BARD1: variants seen among roughly 807,000 people sequenced by gnomAD.
The protein encoded by BARD1 is BRCA1 associated RING domain 1.
A neutral mutation model predicts 77.0 loss-of-function variants in BARD1; 73 were observed. The observed-to-expected ratio is 0.95, with a 90% CI of 0.79 to 1.15. The LOEUF is 1.15. BARD1 is among the 50% of genes most tolerant of loss of function. The pLI is 0.00. For missense variants in BARD1, 993 were observed against 938.8 expected (o/e 1.06, Z -0.75); for synonymous variants, 384 against 338.0 (o/e 1.14, Z -1.49).
chr2:214,755,582 T>C (rs1693656712), intron 6 of BARD1, among the ~76,000 whole-genome samples: 1 of 152,176 alleles, frequency 6.6e-6, no homozygotes, highest in Non-Finnish European at 1.5e-5. Flanking sequence ...AAGATTTAAA[T>C]GGCCTTGATC....
intron 6 of BARD1, among the ~76,000 whole-genome samples, chr2:214,757,790 G>T (rs1398595504): frequency 6.6e-6 from 1 of 152,142 alleles, no homozygotes; most frequent in African/African-American, 2.4e-5. Flanking sequence ...CACAGAAAAG[G>T]TTTTGCAGTC....
intron 1 of BARD1, among the ~76,000 whole-genome samples, chr2:214,808,186 G>C (rs1434161145): frequency 1.3e-5 from 2 of 152,188 alleles, no homozygotes; most frequent in Non-Finnish European, 2.9e-5. Flanking sequence ...GAGGCGGGCG[G>C]ATCACGAGGT....
chr2:214,726,395 C>T lies in BARD1; in HGVS notation c.*2281G>A, dbSNP rs1692085231. On this transcript the variant is annotated 3_prime_UTR_variant, in exon 11 of 11. Coordinates refer to ENST00000260947, the MANE Select transcript of BARD1 (RefSeq NM_000465.4). ...CTCACTTTTAGAGACACAAAGCAAT[C>T]AGTGTGTAATTGTTTCTTAATGACT... is the stretch of plus-strand genomic sequence containing the variant. 4.8e-6 allele frequency: 1 copy of T among 207,712 alleles called. No homozygotes were observed. Among genetic ancestry groups the T allele is most frequent in the Non-Finnish European group, 9.8e-6 (1 of 101,904 alleles). 12.9% of individuals were successfully genotyped at this position (207,712 alleles called of 1,614,324 possible).
chr2:214,808,282 G>T (rs1376138081), intron 1 of BARD1, among the ~76,000 whole-genome samples: 1 of 152,174 alleles, frequency 6.6e-6, no homozygotes, highest in Admixed American at 6.5e-5. Context: ...GATGGCGGGC[G>T]CCTGCAGTCC....
rs1199815585 is a variant in BARD1, at chr2:214,726,537, T to C, written c.*2139A>G. The stretch of plus-strand genomic sequence containing the variant: ...TTAAAAAGCATTATGTTAAAAAAGA[T>C]AAGCTTTTGTTAGTTAATAGACTTC... On this transcript the variant is annotated 3_prime_UTR_variant, in exon 11 of 11. Transcript: ENST00000260947. 1 of 225,310 alleles carries C rather than the reference T, an allele frequency of 4.4e-6. No homozygotes were observed. Among genetic ancestry groups the C allele is most frequent in the Non-Finnish European group, 8.8e-6 (1 of 113,058 alleles). The allele number at this position is 225,310 out of a possible 1,614,324, so 14.0% of individuals were successfully genotyped here. A position where few individuals can be genotyped will look rare whatever the true frequency, so the allele number is the denominator to read the frequency against.
At chr2:214,790,786 T>A (rs1695478033) in intron 3 of BARD1, among the ~76,000 whole-genome samples, 1 of 152,076 alleles carries the variant, frequency 6.6e-6, no homozygotes, top group African/African-American at 2.4e-5. Flanking sequence ...CTAACAAAAG[T>A]CACTTTCACA....
chr2:214,772,450 C>CA (rs994957243), intron 4 of BARD1, among the ~76,000 whole-genome samples: 146 of 146,968 alleles, frequency 9.9e-4, no homozygotes, highest in African/African-American at 1.8e-3. Flanking sequence ...CATGGTAATG[C>CA]AAAAAAAAAA....
intron 4 of BARD1, among the ~76,000 whole-genome samples, chr2:214,769,814 A>G (rs185655939): frequency 6.6e-6 from 1 of 152,356 alleles, no homozygotes; most frequent in African/African-American, 2.4e-5. Context: ...GTCATGCTTG[A>G]ATATAGACTA....
intron 9 of BARD1, among the ~76,000 whole-genome samples, chr2:214,735,812 G>A (rs1334493794): frequency 3.9e-5 from 6 of 152,072 alleles, no homozygotes. Context: ...ACTAACAACT[G>A]AATACTCCAT....
chr2:214,747,280 T>C (rs563565226), intron 7 of BARD1, among the ~76,000 whole-genome samples: 4 of 151,540 alleles, frequency 2.6e-5, no homozygotes, highest in South Asian at 2.1e-4. Context: ...AGTTCAACCT[T>C]TGTGGAAGTC....
At chr2:214,794,895 T>C (rs1695691392) in intron 2 of BARD1, among the ~76,000 whole-genome samples, 1 of 152,248 alleles carries the variant, frequency 6.6e-6, no homozygotes. Flanking sequence ...GTTCATGTCA[T>C]ATACACATAA....
intron 1 of BARD1, among the ~76,000 whole-genome samples, chr2:214,806,875 G>GAAAAAA (rs140107019): frequency 9.4e-6 from 1 of 105,978 alleles, no homozygotes; most frequent in Non-Finnish European, 2.0e-5. Context: ...CTTTGCCTAG[G>GAAAAAA]GAAAAAAAAA....
At chr2:214,737,924 G>A (rs1021031616) in intron 9 of BARD1, among the ~76,000 whole-genome samples, 1 of 151,752 alleles carries the variant, frequency 6.6e-6, no homozygotes, top group Non-Finnish European at 1.5e-5. Flanking sequence ...GTAGAAAGAT[G>A]AACTCTTCTA....
rs1695796591 is a variant in BARD1 at position 214,797,120 on chromosome 2, G to A, written c.159-3C>T. On this transcript the variant is annotated splice_polypyrimidine_tract_variant and splice_region_variant and intron_variant, in intron 1 of 10. Coordinates refer to ENST00000260947, the MANE Select transcript of BARD1 (RefSeq NM_000465.4). ...CAGGCTCTCTCAGAATGTTAGTACT[G>A]TTTGAAGAAATTAAAACAATCAAGA... 3 of 1,611,580 alleles carry A rather than the reference G, an allele frequency of 1.9e-6. No homozygotes were observed. Among genetic ancestry groups the A allele is most frequent in the Non-Finnish European group, 8.5e-7 (1 of 1,177,896 alleles).
At chr2:214,778,724 A>G (rs539650814) in intron 4 of BARD1, among the ~76,000 whole-genome samples, 3 of 152,332 alleles carry the variant, frequency 2.0e-5, no homozygotes, top group Non-Finnish European at 2.9e-5. Flanking sequence ...CTGAACCGCT[A>G]TGATAGAGAT....
chr2:214,768,660 T>C (rs959441117), intron 5 of BARD1, among the ~76,000 whole-genome samples: 2 of 152,218 alleles, frequency 1.3e-5, no homozygotes, highest in African/African-American at 4.8e-5. Context: ...CCTAATGTAA[T>C]TGGCCTACAT....
At chr2:214,797,261 C>T (rs1695802306) in intron 1 of BARD1, 144 bp from the exon 2 acceptor site, 4 of 735,880 alleles carry the variant, frequency 5.4e-6, no homozygotes, top group African/African-American at 5.2e-5. Flanking sequence ...ATTTGAAAGG[C>T]TGTTACTCCC....
At chr2:214,747,791 A>G (rs1420326890) in intron 7 of BARD1, among the ~76,000 whole-genome samples, 2 of 151,436 alleles carry the variant, frequency 1.3e-5, no homozygotes, top group African/African-American at 2.4e-5. Context: ...CACCAACATG[A>G]CACATGTATA....
intron 4 of BARD1, among the ~76,000 whole-genome samples, chr2:214,773,267 C>T (rs1435123762): frequency 2.0e-5 from 3 of 152,134 alleles, no homozygotes; most frequent in African/African-American, 7.2e-5. Flanking sequence ...AAAAACAATA[C>T]AGAACGTTAC....
Sources: gnomAD v4.1 joint callset for allele counts (sites outside exome capture counted in the v4.1 genomes callset) on GRCh38, gnomAD v4.1.1 for gene constraint, MANE v1.5 for transcripts, NCBI Gene and HGNC (gene_info 2026-07-23, HGNC 2026-07-21) for gene names.